Variants in TRDN observed in about 807,000 individuals in gnomAD.
TRDN encodes the protein triadin in skeletal muscle.
In TRDN, 161 loss-of-function variants were observed where a neutral mutation model predicts 149.7. That is an observed-to-expected ratio of 1.08 (90% CI 0.95 to 1.23). The LOEUF (loss-of-function observed/expected upper bound fraction) is 1.23. TRDN is among the 50% of genes most tolerant of loss of function. The pLI is 0.00. For synonymous variants in TRDN, 294 were observed against 250.5 expected, an observed-to-expected ratio of 1.17 and a Z score of -1.64; for missense variants, 896 against 823.5, an observed-to-expected ratio of 1.09 and a Z score of -1.08.
At chr6:123,279,016 A>G (rs1318750665) in intron 25 of TRDN, 40 bp downstream of exon 25, 2 of 1,576,608 alleles carry the variant, frequency 1.3e-6, no homozygotes, top group South Asian at 1.2e-5. Context: ...ATGTATGTAC[A>G]TATGTACGTG....
chr6:123,612,140 C>T (rs1288142518), intron 1 of TRDN, among the ~76,000 whole-genome samples: 1 of 150,472 alleles, frequency 6.6e-6, no homozygotes, highest in African/African-American at 2.4e-5. Context: ...CCTGTAATCC[C>T]AGCACTTTGG....
chr6:123,253,682 G>A (rs911820526), intron 37 of TRDN, among the ~76,000 whole-genome samples: 7 of 152,004 alleles, frequency 4.6e-5, no homozygotes, highest in African/African-American at 1.4e-4. Context: ...TTGTGCTTTC[G>A]TACATAATCA....
At chr6:123,389,946 T>C (rs1782044673) in intron 13 of TRDN, among the ~76,000 whole-genome samples, 2 of 152,194 alleles carry the variant, frequency 1.3e-5, no homozygotes, top group South Asian at 4.1e-4. Context: ...TCTCTGAGTT[T>C]GACTCAACAG....
At chr6:123,530,331 C>T (rs1256005511) in intron 5 of TRDN, among the ~76,000 whole-genome samples, 175 bp downstream of exon 5, 1 of 30,944 alleles carries the variant, frequency 3.2e-5, no homozygotes, top group Middle Eastern at 0.016. Flanking sequence ...GTTATTTATA[C>T]ATTTATAACT....
intron 34 of TRDN, among the ~76,000 whole-genome samples, chr6:123,260,133 GCTAGGATAA>G (rs1460059561): frequency 6.6e-6 from 1 of 151,762 alleles, no homozygotes; most frequent in South Asian, 2.1e-4. Context: ...TTGAAGACAA[GCTAGGATAA>G]GCCATGCCTT....
At chr6:123,605,819 A>G (rs774860910) in intron 1 of TRDN, among the ~76,000 whole-genome samples, 1 of 152,054 alleles carries the variant, frequency 6.6e-6, no homozygotes, top group Non-Finnish European at 1.5e-5. Flanking sequence ...AGAAATTAAT[A>G]TTTGTAAAAT....
chr6:123,416,162 A>G (rs1773641363), intron 12 of TRDN, among the ~76,000 whole-genome samples: 1 of 152,182 alleles, frequency 6.6e-6, no homozygotes, highest in Non-Finnish European at 1.5e-5. Flanking sequence ...CCAGCCAACA[A>G]AACACACGAG....
At chr6:123,447,342 A>G (rs1027052782) in intron 10 of TRDN, among the ~76,000 whole-genome samples, 2 of 152,234 alleles carry the variant, frequency 1.3e-5, no homozygotes, top group African/African-American at 4.8e-5. Flanking sequence ...CCTTCCAGTA[A>G]TACTAGGTGT....
intron 38 of TRDN, among the ~76,000 whole-genome samples, chr6:123,228,343 A>C (rs887722077): frequency 1.3e-5 from 2 of 151,892 alleles, no homozygotes; most frequent in South Asian, 4.1e-4. Context: ...TTGTTTTCAT[A>C]CTGCCATAAA....
At chr6:123,259,442 AT>A (rs1387728344) in intron 35 of TRDN, among the ~76,000 whole-genome samples, 181 bp downstream of exon 35, 1 of 152,134 alleles carries the variant, frequency 6.6e-6, no homozygotes, top group African/African-American at 2.4e-5. Context: ...TTTAATAAAA[AT>A]GCAATAACTA....
At chr6:123,556,532 A>T (rs540441786) in intron 2 of TRDN, among the ~76,000 whole-genome samples, 3 of 152,046 alleles carry the variant, frequency 2.0e-5, no homozygotes, top group East Asian at 1.9e-4. Context: ...TTGCAATATA[A>T]TTTTTTCCTG....
chr6:123,398,369 T>C (rs578171292), intron 12 of TRDN, among the ~76,000 whole-genome samples: 8 of 152,294 alleles, frequency 5.3e-5, no homozygotes, highest in Admixed American at 5.2e-4. Context: ...TTTCCACAGA[T>C]CAGGAGTTAA....
chr6:123,476,027 C>G (rs1469719550), intron 9 of TRDN, among the ~76,000 whole-genome samples: 2 of 133,140 alleles, frequency 1.5e-5, no homozygotes, highest in Non-Finnish European at 3.2e-5. Flanking sequence ...CTCACCACTC[C>G]TATTCAACAT....
chr6:123,266,801 T>G (rs1375223446), intron 32 of TRDN, among the ~76,000 whole-genome samples: 1 of 133,266 alleles, frequency 7.5e-6, no homozygotes, highest in East Asian at 2.0e-4. Flanking sequence ...TATATTATAA[T>G]ATATATATAT....
intron 24 of TRDN, among the ~76,000 whole-genome samples, chr6:123,297,305 C>T (rs897053696): frequency 2.0e-5 from 3 of 151,938 alleles, no homozygotes; most frequent in African/African-American, 4.8e-5. Flanking sequence ...GTGAGAAACC[C>T]TTTGTGTTCT....
chr6:123,558,035 CT>C (rs1238492423), intron 2 of TRDN, among the ~76,000 whole-genome samples: 1 of 152,136 alleles, frequency 6.6e-6, no homozygotes, highest in African/African-American at 2.4e-5. Context: ...GAAAACAGCA[CT>C]TTCGACTTTT....
chr6:123,390,766 T>C (rs975460271), intron 13 of TRDN, among the ~76,000 whole-genome samples: 3 of 152,160 alleles, frequency 2.0e-5, no homozygotes, highest in African/African-American at 4.8e-5. Flanking sequence ...GGATGACTCC[T>C]GAATTTACTG....
chr6:123,230,279 T>C (rs1380670270), intron 38 of TRDN, among the ~76,000 whole-genome samples: 2 of 151,726 alleles, frequency 1.3e-5, no homozygotes, highest in African/African-American at 4.8e-5. Context: ...CAGCAAACTA[T>C]CGCAGGGACA....
chr6:123,394,246 T>G (rs898041323), intron 12 of TRDN, among the ~76,000 whole-genome samples: 32 of 151,906 alleles, frequency 2.1e-4, no homozygotes, highest in African/African-American at 7.7e-4. Context: ...TTGTTCTAAG[T>G]TTTTTTTGCT....
Sources: gnomAD v4.1 joint callset for allele counts (sites outside exome capture counted in the v4.1 genomes callset) on GRCh38, gnomAD v4.1.1 for gene constraint, MANE v1.5 for transcripts, NCBI Gene and HGNC (gene_info 2026-07-23, HGNC 2026-07-21) for gene names.